EMCN: variants seen among roughly 807,000 people sequenced by gnomAD.
EMCN encodes MUC-14.
EMCN carries 37 observed loss-of-function variants against 38.4 expected under a neutral mutation model. That is an observed-to-expected ratio of 0.96 (90% CI 0.74 to 1.27). The LOEUF (loss-of-function observed/expected upper bound fraction) is 1.27. Ranked by LOEUF, EMCN falls within the 50% of genes most tolerant of loss-of-function variation. The pLI is 0.00. For missense variants in EMCN, 318 were observed against 302.8 expected, an observed-to-expected ratio of 1.05 and a Z score of -0.37; for synonymous variants, 95 against 100.8, an observed-to-expected ratio of 0.94 and a Z score of 0.35.
At chr4:100,421,829 C>A (rs1278528407) in intron 7 of EMCN, among the ~76,000 whole-genome samples, 4 of 151,952 alleles carry the variant, frequency 2.6e-5, no homozygotes, top group African/African-American at 9.7e-5. Flanking sequence ...TATAATAATA[C>A]CTTAAAACTA....
At chr4:100,484,960 A>C (rs1176936703) in intron 1 of EMCN, among the ~76,000 whole-genome samples, 1 of 152,148 alleles carries the variant, frequency 6.6e-6, no homozygotes, top group African/African-American at 2.4e-5. Flanking sequence ...TATGGAATGC[A>C]CTTGCCCTCT....
At chr4:100,401,867 G>T (rs1272186044) in intron 11 of EMCN, among the ~76,000 whole-genome samples, 1 of 152,130 alleles carries the variant, frequency 6.6e-6, no homozygotes, top group Admixed American at 6.6e-5. Flanking sequence ...AGACCTACTG[G>T]TGAGGGAGCA....
At chr4:100,479,437 T>C (rs922424583) in intron 2 of EMCN, among the ~76,000 whole-genome samples, 4 of 152,136 alleles carry the variant, frequency 2.6e-5, no homozygotes, top group African/African-American at 9.7e-5. Flanking sequence ...CTTTAATACC[T>C]AGCTAGATAT....
chr4:100,477,384 G>T (rs1386838617), intron 2 of EMCN, among the ~76,000 whole-genome samples: 1 of 152,124 alleles, frequency 6.6e-6, no homozygotes, highest in Non-Finnish European at 1.5e-5. Flanking sequence ...AATGTGCATT[G>T]CACTTGATGT....
chr4:100,420,198 G>C (rs775341907), intron 8 of EMCN, among the ~76,000 whole-genome samples: 2 of 151,972 alleles, frequency 1.3e-5, no homozygotes, highest in South Asian at 4.1e-4. Flanking sequence ...GACTTGGAAG[G>C]GTTGCCTGAC....
intron 2 of EMCN, 102 bp downstream of exon 2, chr4:100,479,815 A>C (rs1728758337): frequency 1.0e-6 from 1 of 974,020 alleles, no homozygotes; most frequent in Non-Finnish European, 1.4e-6. Context: ...CTTTATAACA[A>C]TCAGATATAA....
At chr4:100,500,003 A>G (rs1041504362) in intron 1 of EMCN, among the ~76,000 whole-genome samples, 2 of 152,194 alleles carry the variant, frequency 1.3e-5, no homozygotes, top group South Asian at 2.1e-4. Context: ...AGTGTAAAGT[A>G]TATCTTTTTT....
chr4:100,514,664 T>G (rs923733306), intron 1 of EMCN, among the ~76,000 whole-genome samples: 1 of 152,128 alleles, frequency 6.6e-6, no homozygotes, highest in African/African-American at 2.4e-5. Flanking sequence ...AGTACTTAAC[T>G]ATGCCCAAAT....
At chr4:100,432,699 C>T (rs1026037256) in intron 5 of EMCN, among the ~76,000 whole-genome samples, 1 of 152,124 alleles carries the variant, frequency 6.6e-6, no homozygotes, top group Non-Finnish European at 1.5e-5. Flanking sequence ...TCATTAAACA[C>T]AGCTTTCTAT....
intron 1 of EMCN, among the ~76,000 whole-genome samples, chr4:100,499,842 A>C (rs1435344548): frequency 1.3e-5 from 2 of 152,232 alleles, no homozygotes; most frequent in Non-Finnish European, 2.9e-5. Flanking sequence ...CACATCTTAC[A>C]GAAAGCTATC....
chr4:100,397,261 C>G lies in EMCN; in HGVS notation c.*1152G>C, dbSNP rs1351085748. 6.6e-6 allele frequency: 1 copy of G among 152,106 alleles called. No individual in the cohort carries two copies. The highest frequency in any genetic ancestry group is 2.4e-5 in the African/African-American group (1 of 41,442). The allele number at this position is 152,106 out of a possible 1,614,324, so 9.4% of individuals were successfully genotyped here. On this transcript the variant is annotated 3_prime_UTR_variant, in exon 12 of 12. Transcript: ENST00000296420. ...AGCAGCTTATTAGTTCTAAAGCTTT[C>G]CAAAAAACCTCAGCCAACTTGACAC...
At chr4:100,403,814 C>T (rs1726322247) in intron 11 of EMCN, among the ~76,000 whole-genome samples, 1 of 151,978 alleles carries the variant, frequency 6.6e-6, no homozygotes, top group Non-Finnish European at 1.5e-5. Context: ...TTGCATTTCC[C>T]AAATGATTAG....
chr4:100,503,879 T>G (rs1363169085), intron 1 of EMCN, among the ~76,000 whole-genome samples: 1 of 152,230 alleles, frequency 6.6e-6, no homozygotes, highest in African/African-American at 2.4e-5. Flanking sequence ...TCTTTAGTTA[T>G]TTTCAAAGGA....
intron 5 of EMCN, among the ~76,000 whole-genome samples, chr4:100,431,578 C>T (rs1371127090): frequency 3.9e-5 from 6 of 152,108 alleles, no homozygotes; most frequent in Non-Finnish European, 8.8e-5. Context: ...GAGCTTGAGG[C>T]TGCCAACTTT....
At chr4:100,426,320 G>A (rs760211779) in intron 5 of EMCN, among the ~76,000 whole-genome samples, 35 of 152,144 alleles carry the variant, frequency 2.3e-4, no homozygotes, top group Admixed American at 6.5e-4. Context: ...GAGTGGACCT[G>A]CCAGGAATAT....
chr4:100,459,524 C>T (rs1054360177), intron 4 of EMCN, among the ~76,000 whole-genome samples: 2 of 152,010 alleles, frequency 1.3e-5, no homozygotes, highest in Middle Eastern at 3.2e-3. Context: ...GGTATTCCTC[C>T]TGTCTAACTG....
chr4:100,432,286 G>A (rs954960492), intron 5 of EMCN, among the ~76,000 whole-genome samples: 5 of 151,170 alleles, frequency 3.3e-5, no homozygotes, highest in African/African-American at 1.2e-4. Flanking sequence ...TTCACCCAAT[G>A]GATACCTCAA....
Position 100,396,505 on chromosome 4 carries a change from AG to A in EMCN, c.*1907del, listed in dbSNP as rs1287818742. On this transcript the variant is annotated 3_prime_UTR_variant, in exon 12 of 12. Transcript: ENST00000296420. ...TGCTGAAGAGCTCGGTAAATTATCT[AG>A]GTGTGCTGGGACTTTCTTTCTTTCT... The A allele has an allele frequency of 6.8e-6, 1 of 147,150 alleles. No homozygotes were observed. The highest frequency in any genetic ancestry group is 1.5e-5 in the Non-Finnish European group (1 of 67,146). The allele number at this position is 147,150 out of a possible 1,614,324, so 9.1% of individuals were successfully genotyped here. A position where few individuals can be genotyped will look rare whatever the true frequency, so the allele number is the denominator to read the frequency against.
intron 4 of EMCN, among the ~76,000 whole-genome samples, chr4:100,457,044 T>C (rs1243869240): frequency 6.6e-6 from 1 of 152,182 alleles, no homozygotes; most frequent in Non-Finnish European, 1.5e-5. Context: ...TTTAGTATTA[T>C]GAAATGTTCC....
Sources: allele counts gnomAD v4.1 joint callset (sites outside exome capture counted in the v4.1 genomes callset), GRCh38; gene constraint gnomAD v4.1.1; transcripts MANE v1.5; gene names NCBI Gene and HGNC (gene_info 2026-07-23, HGNC 2026-07-21).